Variants in TBC1D22A observed in about 807,000 individuals in gnomAD.
TBC1D22A encodes the protein TBC1 domain family member 22A, also known as putative GTPase activator.
In TBC1D22A, 38 loss-of-function variants were observed where a neutral mutation model predicts 60.2. That is an observed-to-expected ratio of 0.63 (90% confidence interval 0.49 to 0.83). The LOEUF is 0.83. TBC1D22A is among the 40% of genes least tolerant of loss of function. The pLI, the probability that TBC1D22A is intolerant of heterozygous loss-of-function variation, is 0.00. For synonymous variants in TBC1D22A, 302 were observed against 281.7 expected (o/e 1.07, Z -0.72); for missense variants, 628 against 701.0 (o/e 0.90, Z 1.18).
intron 11 of TBC1D22A, among the ~76,000 whole-genome samples, chr22:47,099,390 T>A (rs1204992251): frequency 2.0e-5 from 3 of 151,568 alleles, no homozygotes; most frequent in African/African-American, 7.3e-5. Flanking sequence ...CCGGAAGGCA[T>A]GAGCAGGGGC....
chr22:46,797,529 C>A lies in TBC1D22A; in HGVS notation c.546C>A (p.Pro182=), dbSNP rs767863140. 2 of 1,614,096 alleles carry A rather than the reference C, an allele frequency of 1.2e-6. No individual in the cohort carries two copies. Among genetic ancestry groups the A allele is most frequent in the Non-Finnish European group, 1.7e-6 (2 of 1,180,040 alleles). The change falls in exon 4 of 13, where the codon CCC becomes CCA. Residue 182 remains proline, a synonymous_variant. Transcript: ENST00000337137. ...TCACGCTGGGTGGCACATCTGACCC[C>A]AGCACTCTCAGCAGCTCAGCGCTGA... ...ATVTLGGTSD[P]STLSSSALSE... is the part of the protein sequence containing the mutation.
At chr22:46,888,090 G>A (rs563763671) in intron 5 of TBC1D22A, among the ~76,000 whole-genome samples, 5 of 152,312 alleles carry the variant, frequency 3.3e-5, no homozygotes, top group African/African-American at 7.2e-5. Flanking sequence ...GGTGGCCGCC[G>A]CAACTCCACA....
chr22:47,050,674 C>T (rs886574435), intron 11 of TBC1D22A, among the ~76,000 whole-genome samples: 2 of 151,902 alleles, frequency 1.3e-5, no homozygotes, highest in East Asian at 1.9e-4. Flanking sequence ...CTACTAAGAG[C>T]AGCCAGGGAT....
At chr22:47,128,551 G>A (rs2147109885) in intron 12 of TBC1D22A, among the ~76,000 whole-genome samples, 1 of 151,238 alleles carries the variant, frequency 6.6e-6, no homozygotes, top group East Asian at 2.0e-4. Context: ...CTTAACTCAT[G>A]AAGGCACTTT....
intron 10 of TBC1D22A, among the ~76,000 whole-genome samples, chr22:46,998,666 T>A (rs746919127): frequency 6.6e-6 from 1 of 152,252 alleles, no homozygotes; most frequent in African/African-American, 2.4e-5. Flanking sequence ...CTGAGTGATA[T>A]TCTAAAATGG....
chr22:47,123,345 G>A (rs1343863359), intron 12 of TBC1D22A, among the ~76,000 whole-genome samples: 2 of 152,184 alleles, frequency 1.3e-5, no homozygotes, highest in Non-Finnish European at 1.5e-5. Flanking sequence ...GCACCCAGCC[G>A]AGCACCTGGC....
At chr22:47,163,651 G>A (rs1025821942) in intron 12 of TBC1D22A, among the ~76,000 whole-genome samples, 3 of 152,214 alleles carry the variant, frequency 2.0e-5, no homozygotes, top group Admixed American at 2.0e-4. Context: ...AGGGAAGCAA[G>A]GAAAGCACAG....
chr22:46,963,503 C>T lies in TBC1D22A; in HGVS notation c.1016-10787C>T, dbSNP rs74659256. ...GAGCAGGCCCTTGTTCCTGTGCCTTCCCCAGCTCCCAGCGAGCACTACACA... is the reference window on the plus strand; with the variant it reads ...GAGCAGGCCCTTGTTCCTGTGCCTTTCCCAGCTCCCAGCGAGCACTACACA... On this transcript the variant is annotated intron_variant, in intron 8 of 12. Transcript: ENST00000337137. Among the ~76,000 whole-genome samples, 93 of 150,694 alleles carry T rather than the reference C, an allele frequency of 6.2e-4. 1 individual carries two copies. The East Asian group carries it at 0.012, about 20-fold the overall frequency.
chr22:46,813,259 A>C (rs189565228), intron 4 of TBC1D22A, among the ~76,000 whole-genome samples: 1 of 152,322 alleles, frequency 6.6e-6, no homozygotes, highest in South Asian at 2.1e-4. Context: ...AAACTTTTCT[A>C]GGCTTGGGGC....
intron 12 of TBC1D22A, among the ~76,000 whole-genome samples, chr22:47,119,171 T>C (rs1569457839): frequency 6.6e-6 from 1 of 152,234 alleles, no homozygotes; most frequent in Non-Finnish European, 1.5e-5. Flanking sequence ...AAAACTTGAA[T>C]AGACTTATAA....
intron 12 of TBC1D22A, among the ~76,000 whole-genome samples, chr22:47,148,654 C>T (rs991904683): frequency 2.0e-5 from 3 of 147,202 alleles, no homozygotes; most frequent in Admixed American, 6.7e-5. Flanking sequence ...GGGTTCCTCT[C>T]CTGGGGTCCG....
rs541621512 is a variant in TBC1D22A at position 47,147,223 on chromosome 22, T to C, written c.1426-26275T>C. On this transcript the variant is annotated intron_variant, in intron 12 of 12. Coordinates refer to ENST00000337137, the MANE Select transcript of TBC1D22A (RefSeq NM_014346.5). ...CCACCTGCAGAGGGCTAAGGAGCAA[T>C]ACTAAACCAACTCGGAGTCGGTCTG... Among the ~76,000 whole-genome samples, 555 of 152,308 alleles carry C rather than the reference T, an allele frequency of 3.6e-3. 1 individual carries two copies. The highest frequency in any genetic ancestry group is 6.0e-3 in the Non-Finnish European group (409 of 68,026).
At chr22:47,016,630 A>C (rs2061918377) in intron 10 of TBC1D22A, among the ~76,000 whole-genome samples, 1 of 151,910 alleles carries the variant, frequency 6.6e-6, no homozygotes, top group Admixed American at 6.6e-5. Flanking sequence ...AAGCTCTTCC[A>C]CTTAGGATCC....
chr22:47,135,642 G>A (rs2066837877), intron 12 of TBC1D22A, among the ~76,000 whole-genome samples: 1 of 152,248 alleles, frequency 6.6e-6, no homozygotes, highest in African/African-American at 2.4e-5. Context: ...TGGTAGCCAT[G>A]GTGGGGAGGA....
At chr22:47,128,423 C>T (rs535413871) in intron 12 of TBC1D22A, among the ~76,000 whole-genome samples, 1 of 134,716 alleles carries the variant, frequency 7.4e-6, no homozygotes, top group South Asian at 2.7e-4. Flanking sequence ...GCTGGTCCTT[C>T]TGTGTTCCGT....
intron 4 of TBC1D22A, among the ~76,000 whole-genome samples, chr22:46,878,341 G>GGAGGGAGAGAGAGAAGGAGGTGA (rs2067671712): frequency 7.3e-6 from 1 of 137,374 alleles, no homozygotes; most frequent in Non-Finnish European, 1.6e-5. Flanking sequence ...GAAGGAGGTG[G>GGAGGGAGAGAGAGAAGGAGGTGA]GAGGGAAGGA....
intron 11 of TBC1D22A, among the ~76,000 whole-genome samples, chr22:47,106,816 C>A (rs547868575): frequency 6.6e-6 from 1 of 152,116 alleles, no homozygotes; most frequent in Admixed American, 6.5e-5. Context: ...GTTAAGAGAT[C>A]GAGACCATCC....
At chr22:46,825,923 C>T (rs1448638587) in intron 4 of TBC1D22A, among the ~76,000 whole-genome samples, 2 of 149,444 alleles carry the variant, frequency 1.3e-5, no homozygotes, top group African/African-American at 4.9e-5. Flanking sequence ...TGCTCTGTCG[C>T]CCAGGCTGGA....
At position 46,797,723 on chromosome 22, in the gene TBC1D22A, C is replaced by T. The variant is rs147163062; in HGVS notation, c.637+103C>T. 85 of 1,203,138 alleles carry T rather than the reference C, an allele frequency of 7.1e-5. No individual in the cohort carries two copies. The Admixed American group carries it at 2.2e-3, about 31-fold the overall frequency. 74.5% of individuals were successfully genotyped at this position (1,203,138 alleles called of 1,614,324 possible). A position where few individuals can be genotyped will look rare whatever the true frequency, so the allele number is the denominator to read the frequency against. ...TATGTATGCTTATGTAATGCACACG[C>T]GTCCGTGTGTAATTTGCCTTGCAGG... is the stretch of plus-strand genomic sequence containing the variant. On this transcript the variant is annotated intron_variant, in intron 4 of 12. Transcript: ENST00000337137.
Sources: allele counts gnomAD v4.1 joint callset (sites outside exome capture counted in the v4.1 genomes callset), GRCh38; gene constraint gnomAD v4.1.1; transcripts MANE v1.5; gene names NCBI Gene and HGNC (gene_info 2026-07-23, HGNC 2026-07-21).